Variants in ANP32A observed in about 807,000 individuals in gnomAD.
ANP32A encodes acidic nuclear phosphoprotein 32 family member A.
In ANP32A, 1 loss-of-function variant was observed where a neutral mutation model predicts 33.9. The ratio of observed to expected loss-of-function variants is 0.03; its 90% CI spans 0.01 to 0.14. The LOEUF (loss-of-function observed/expected upper bound fraction) is 0.14, where lower values mean the gene tolerates loss of function less well. Ranked by LOEUF, ANP32A falls within the 10% of genes least tolerant of loss-of-function variation. The probability of loss-of-function intolerance (pLI) is 1.00; values close to 1 mark genes in which losing one functional copy is unlikely to be tolerated. For synonymous variants in ANP32A, 115 were observed against 120.5 expected, an observed-to-expected ratio of 0.95 and a Z score of 0.30; for missense variants, 155 against 306.0, an observed-to-expected ratio of 0.51 and a Z score of 3.68.
chr15:68,807,677 G>A (rs116428699), intron 1 of ANP32A, among the ~76,000 whole-genome samples: 107 of 152,188 alleles, frequency 7.0e-4, no homozygotes, highest in Non-Finnish European at 1.2e-3. Context: ...TGGCATAAAC[G>A]ATATTTCTTT....
intron 1 of ANP32A, among the ~76,000 whole-genome samples, chr15:68,797,869 T>A (rs970183040): frequency 3.4e-5 from 5 of 147,134 alleles, no homozygotes; most frequent in African/African-American, 1.2e-4. Flanking sequence ...GTCACCCTAG[T>A]GCCCTCCCCA....
chr15:68,818,254 G>T, intron 1 of ANP32A: 1 of 274,896 alleles, frequency 3.6e-6, no homozygotes. Context: ...ATGGCTGCTC[G>T]TCCTATTTCG....
intron 1 of ANP32A, among the ~76,000 whole-genome samples, chr15:68,798,267 T>C (rs1332833858): frequency 1.3e-5 from 2 of 152,176 alleles, no homozygotes; most frequent in Non-Finnish European, 2.9e-5. Flanking sequence ...ATTTCTCCAG[T>C]GTTACTATTC....
At position 68,820,895 on chromosome 15, in the gene ANP32A, T is replaced by C; in HGVS notation, c.-144A>G. On this transcript the variant is annotated 5_prime_UTR_variant, in exon 1 of 7. Transcript: ENST00000465139. ...AGCCCCCAGCACCCGCGGCGCACAC[T>C]AACCTGATCGCCGTGGAGGCGGGAT... is the stretch of plus-strand genomic sequence containing the variant. 2.1e-6 allele frequency: 2 copies of C among 939,536 alleles called. No individual in the cohort carries two copies. The highest frequency in any genetic ancestry group is 3.2e-6 in the Non-Finnish European group (2 of 624,236). 58.2% of individuals were successfully genotyped at this position (939,536 alleles called of 1,614,324 possible). A position where few individuals can be genotyped will look rare whatever the true frequency, so the allele number is the denominator to read the frequency against.
At chr15:68,794,178 A>G (rs1894033844) in intron 1 of ANP32A, among the ~76,000 whole-genome samples, 1 of 152,182 alleles carries the variant, frequency 6.6e-6, no homozygotes, top group Non-Finnish European at 1.5e-5. Flanking sequence ...CCCTTTTTCC[A>G]TGGCTATCTT....
chr15:68,820,495 A>T (rs539040365), intron 1 of ANP32A, among the ~76,000 whole-genome samples: 10 of 152,114 alleles, frequency 6.6e-5, no homozygotes, highest in Non-Finnish European at 1.2e-4. Context: ...TCACACACCA[A>T]GGGCAGCGGC....
chr15:68,788,267 C>T (rs531810918), intron 1 of ANP32A, among the ~76,000 whole-genome samples: 107 of 152,314 alleles, frequency 7.0e-4, no homozygotes, highest in African/African-American at 2.4e-3. Flanking sequence ...ACCCTGCTCT[C>T]GCATTCTCCC....
At chr15:68,805,801 G>A (rs2140369967) in intron 1 of ANP32A, among the ~76,000 whole-genome samples, 1 of 152,242 alleles carries the variant, frequency 6.6e-6, no homozygotes, top group Admixed American at 6.5e-5. Context: ...CTTTAACGCA[G>A]CCTTATGGGT....
chr15:68,781,198 T>C (rs948478549), intron 5 of ANP32A: 1 of 152,212 alleles, frequency 6.6e-6, no homozygotes, highest in African/African-American at 2.4e-5. Context: ...CAGACTTCTT[T>C]TTTGTCAAGG....
In ANP32A at chr15:68,820,871, G is replaced by T; in HGVS notation, c.-120C>A. On this transcript the variant is annotated 5_prime_UTR_variant, in exon 1 of 7. Coordinates refer to ENST00000465139, the MANE Select transcript of ANP32A (RefSeq NM_006305.4). ...TCAACCAGCTCCGCTCGGTTCTCGA[G>T]CCCCCAGCACCCGCGGCGCACACTA... The T allele has an allele frequency of 3.3e-6, 4 of 1,215,010 alleles. No homozygotes were observed. The highest frequency in any genetic ancestry group is 4.7e-6 in the Non-Finnish European group (4 of 845,200). 75.3% of individuals were successfully genotyped at this position (1,215,010 alleles called of 1,614,324 possible). A position where few individuals can be genotyped will look rare whatever the true frequency, so the allele number is the denominator to read the frequency against.
At chr15:68,814,450 G>A (rs1894353651) in intron 1 of ANP32A, among the ~76,000 whole-genome samples, 1 of 151,472 alleles carries the variant, frequency 6.6e-6, no homozygotes, top group East Asian at 1.9e-4. Flanking sequence ...ACTGCTATGG[G>A]GAAAGAAAAA....
At chr15:68,819,455 C>T (rs938408287) in intron 1 of ANP32A, among the ~76,000 whole-genome samples, 5 of 152,258 alleles carry the variant, frequency 3.3e-5, no homozygotes, top group African/African-American at 9.6e-5. Flanking sequence ...TTCCTCCGGC[C>T]GTGCTCCCGC....
chr15:68,804,870 A>G (rs1469830779), intron 1 of ANP32A, among the ~76,000 whole-genome samples: 1 of 152,268 alleles, frequency 6.6e-6, no homozygotes, highest in African/African-American at 2.4e-5. Context: ...TCCAGCCCTC[A>G]TAATACTGGG....
At chr15:68,815,565 A>G (rs998526534) in intron 1 of ANP32A, among the ~76,000 whole-genome samples, 1 of 152,216 alleles carries the variant, frequency 6.6e-6, no homozygotes, top group African/African-American at 2.4e-5. Context: ...ATGACTGTAC[A>G]AAAATTGGGA....
intron 1 of ANP32A, among the ~76,000 whole-genome samples, chr15:68,812,661 G>C (rs1190848780): frequency 6.6e-6 from 1 of 152,116 alleles, no homozygotes; most frequent in Non-Finnish European, 1.5e-5. Flanking sequence ...TCTTTTAATG[G>C]CTTTCAAACA....
chr15:68,787,004 A>G (rs890049096), intron 3 of ANP32A, among the ~76,000 whole-genome samples: 1 of 152,236 alleles, frequency 6.6e-6, no homozygotes, highest in African/African-American at 2.4e-5. Flanking sequence ...CGACCCAAGG[A>G]GAAAACTGGA....
intron 1 of ANP32A, among the ~76,000 whole-genome samples, chr15:68,808,806 G>T (rs1022334939): frequency 1.3e-5 from 2 of 152,202 alleles, no homozygotes; most frequent in African/African-American, 4.8e-5. Flanking sequence ...AATTCTACAG[G>T]AGGCAGCAGA....
Position 68,803,871 on chromosome 15 carries a change from G to A in ANP32A, c.55-15952C>T, listed in dbSNP as rs187046225. On this transcript the variant is annotated intron_variant, in intron 1 of 6. Coordinates refer to ENST00000465139, the MANE Select transcript of ANP32A (RefSeq NM_006305.4). ...GGCTGGAGTGCAGTGGCACAATCTC[G>A]GCTCACTACAACCTCCGCCTCCCAG... Among the ~76,000 whole-genome samples, 849 of 135,420 alleles carry A rather than the reference G, an allele frequency of 6.3e-3. 5 individuals carry two copies. Among genetic ancestry groups the A allele is most frequent in the African/African-American group, 0.022 (798 of 35,714 alleles). 88.8% of individuals were successfully genotyped at this position (135,420 alleles called of 152,430 possible). A position where few individuals can be genotyped will look rare whatever the true frequency, so the allele number is the denominator to read the frequency against.
intron 1 of ANP32A, among the ~76,000 whole-genome samples, chr15:68,814,585 TGG>T (rs1357112317): frequency 2.0e-5 from 3 of 152,158 alleles, no homozygotes; most frequent in Non-Finnish European, 4.4e-5. Context: ...GCTGCTGTTA[TGG>T]GGACTAGGAT....
Sources: allele counts gnomAD v4.1 joint callset (sites outside exome capture counted in the v4.1 genomes callset), GRCh38; gene constraint gnomAD v4.1.1; transcripts MANE v1.5; gene names NCBI Gene and HGNC (gene_info 2026-07-23, HGNC 2026-07-21).